The following KHDRBS2 variants were observed in gnomAD, a reference collection of about 807,000 sequenced individuals.
The protein encoded by KHDRBS2 is KH RNA binding domain containing, signal transduction associated 2.
Under a neutral mutation model 44.3 loss-of-function variants are expected in KHDRBS2, and 26 were observed. The ratio of observed to expected loss-of-function variants is 0.59; its 90% CI spans 0.43 to 0.81. The LOEUF (loss-of-function observed/expected upper bound fraction) is 0.81. KHDRBS2 is among the 40% of genes least tolerant of loss of function. The pLI is 0.00. For missense variants in KHDRBS2, 476 were observed against 433.1 expected, an observed-to-expected ratio of 1.10 and a Z score of -0.88; for synonymous variants, 194 against 151.1, an observed-to-expected ratio of 1.28 and a Z score of -2.08.
At chr6:61,919,081 G>A (rs1023035580) in intron 4 of KHDRBS2, among the ~76,000 whole-genome samples, 15 of 151,812 alleles carry the variant, frequency 9.9e-5, no homozygotes, top group Non-Finnish European at 1.8e-4. Context: ...GAGCTTCTAG[G>A]TAACCACATA....
chr6:62,197,120 A>T (rs1417295368), intron 1 of KHDRBS2, among the ~76,000 whole-genome samples: 1 of 152,142 alleles, frequency 6.6e-6, no homozygotes, highest in Non-Finnish European at 1.5e-5. Context: ...TCTTCTGGAA[A>T]AATTTCAGAA....
the KHDRBS2 span, among the ~76,000 whole-genome samples, chr6:61,616,602 C>T: frequency 6.6e-6 from 1 of 151,578 alleles, no homozygotes; most frequent in African/African-American, 2.4e-5. Flanking sequence ...AGGGTAGATT[C>T]TTGGCATCTG....
rs566963072 is a variant in KHDRBS2 at position 61,894,901 on chromosome 6, G to A, written c.612-68C>T. On this transcript the variant is annotated intron_variant, in intron 5 of 8. Transcript: ENST00000281156. ...GAGAAAAGGGCCTATCACAGAAAAAGTTTTCATCTCACAGCCTCCATACAA... is the reference window on the plus strand; with the variant it reads ...GAGAAAAGGGCCTATCACAGAAAAAATTTTCATCTCACAGCCTCCATACAA... 118 of 1,079,746 alleles carry A rather than the reference G, an allele frequency of 1.1e-4. No individual in the cohort carries two copies. The South Asian group carries it at 1.5e-3, about 14-fold the overall frequency. The allele number at this position is 1,079,746 out of a possible 1,614,324, so 66.9% of individuals were successfully genotyped here.
At chr6:61,937,050 C>G (rs1811156382) in intron 4 of KHDRBS2, among the ~76,000 whole-genome samples, 1 of 151,932 alleles carries the variant, frequency 6.6e-6, no homozygotes, top group South Asian at 2.1e-4. Context: ...CTCTCCCTGA[C>G]TTCCTATTGG....
chr6:61,991,605 G>T (rs1045524481), intron 3 of KHDRBS2, among the ~76,000 whole-genome samples: 40 of 152,196 alleles, frequency 2.6e-4, no homozygotes, highest in African/African-American at 9.4e-4. Flanking sequence ...GAAAGGGTGA[G>T]TCGTCACTGC....
chr6:62,286,072 G>T lies in KHDRBS2; in HGVS notation c.-124C>A, dbSNP rs1228945335. ...CCTCCGCGCGGCGAGGGATCTCTGT[G>T]CGTCCTCACTGGCCCATGCACCCAG... On this transcript the variant is annotated 5_prime_UTR_variant, in exon 1 of 9. Transcript: ENST00000281156. 4.4e-6 allele frequency: 3 copies of T among 689,334 alleles called. No homozygotes were observed. The highest frequency in any genetic ancestry group is 3.6e-5 in the African/African-American group (2 of 55,928). 42.7% of individuals were successfully genotyped at this position (689,334 alleles called of 1,614,324 possible).
intron 1 of KHDRBS2, among the ~76,000 whole-genome samples, chr6:62,194,480 C>CCTT (rs1825250238): frequency 1.4e-5 from 1 of 69,774 alleles, no homozygotes; most frequent in African/African-American, 6.5e-5. Flanking sequence ...TCTTTTCTTC[C>CCTT]TTTTTTTTTT....
At chr6:61,564,947 C>T in the KHDRBS2 span, among the ~76,000 whole-genome samples, 3 of 152,016 alleles carry the variant, frequency 2.0e-5, no homozygotes, top group Non-Finnish European at 4.4e-5. Context: ...AATAGACATA[C>T]AGACCAATGA....
the KHDRBS2 span, among the ~76,000 whole-genome samples, chr6:61,656,617 T>C: frequency 0.047 from 7,093 of 152,068 alleles, 241 homozygotes; most frequent in Non-Finnish European, 0.078. Context: ...AGTCCAGATT[T>C]GTAACATTCC....
chr6:62,175,101 G>C lies in KHDRBS2; in HGVS notation c.219+2084C>G, dbSNP rs185815992. Among the ~76,000 whole-genome samples the C allele has an allele frequency of 3.2e-4, 48 of 151,682 alleles. No individual in the cohort carries two copies. In the Middle Eastern group the frequency reaches 0.014, roughly 43 times the overall value. ...ACATAGTTTGTTTTCAAAATATTAT[G>C]ATTTATTGTTGTACTATAAAAACCA... On this transcript the variant is annotated intron_variant, in intron 2 of 8. Transcript: ENST00000281156.
intron 2 of KHDRBS2, among the ~76,000 whole-genome samples, chr6:62,120,973 G>A (rs1157416524): frequency 1.3e-5 from 2 of 152,148 alleles, no homozygotes; most frequent in African/African-American, 4.8e-5. Flanking sequence ...ATTGTACACT[G>A]GATCTGAGTT....
the KHDRBS2 span, among the ~76,000 whole-genome samples, chr6:61,642,314 A>G: frequency 3.9e-5 from 6 of 152,016 alleles, no homozygotes; most frequent in Non-Finnish European, 7.4e-5. Context: ...TATTTAAATC[A>G]TTTACTTGAA....
the KHDRBS2 span, among the ~76,000 whole-genome samples, chr6:61,619,505 AGT>A: frequency 6.6e-6 from 1 of 152,060 alleles, no homozygotes; most frequent in South Asian, 2.1e-4. Context: ...CCCAGGCTGG[AGT>A]GCAATGGTGC....
intron 2 of KHDRBS2, among the ~76,000 whole-genome samples, chr6:62,081,197 T>C (rs1044754381): frequency 2.0e-5 from 3 of 152,090 alleles, no homozygotes; most frequent in African/African-American, 7.2e-5. Flanking sequence ...ATGTAATAGA[T>C]GAAAATGTCA....
chr6:61,899,227 C>A (rs983639890), intron 5 of KHDRBS2, among the ~76,000 whole-genome samples: 1 of 151,822 alleles, frequency 6.6e-6, no homozygotes, highest in Admixed American at 6.6e-5. Context: ...ATATTCCATA[C>A]TTTATATTGT....
chr6:61,930,542 AAAAG>A lies in KHDRBS2; in HGVS notation c.484-29175_484-29172del, dbSNP rs1248093174. The stretch of plus-strand genomic sequence containing the variant: ...CGCCCCTAAAAAAAAAAAAAAAAAA[AAAAG>A]AAAAAAAAAAAAAAAAAAAAAGGCT... On this transcript the variant is annotated intron_variant, in intron 4 of 8. Coordinates refer to ENST00000281156, the MANE Select transcript of KHDRBS2 (RefSeq NM_152688.4). Among the ~76,000 whole-genome samples the A allele has an allele frequency of 6.7e-3, 204 of 30,474 alleles. 56 individuals are homozygous for A. The highest frequency in any genetic ancestry group is 8.9e-3 in the African/African-American group (116 of 13,008). The allele number at this position is 30,474 out of a possible 152,430, so 20.0% of individuals were successfully genotyped here. A position where few individuals can be genotyped will look rare whatever the true frequency, so the allele number is the denominator to read the frequency against.
chr6:61,840,330 C>G (rs1470012962), intron 6 of KHDRBS2, among the ~76,000 whole-genome samples: 1 of 152,090 alleles, frequency 6.6e-6, no homozygotes, highest in African/African-American at 2.4e-5. Flanking sequence ...TGCAACATCT[C>G]AGTTCATATA....
At chr6:62,201,206 CA>C (rs1276352983) in intron 1 of KHDRBS2, among the ~76,000 whole-genome samples, 1 of 151,850 alleles carries the variant, frequency 6.6e-6, no homozygotes, top group African/African-American at 2.4e-5. Context: ...GCATGTTGTG[CA>C]CATGTACCCT....
intron 4 of KHDRBS2, among the ~76,000 whole-genome samples, chr6:61,945,109 A>T (rs1195356747): frequency 0.05 from 1,825 of 36,454 alleles, 153 homozygotes; most frequent in African/African-American, 0.085. Flanking sequence ...AAAAAAAAAA[A>T]AAAGTATATA....
Sources: gnomAD v4.1 joint callset for allele counts (sites outside exome capture counted in the v4.1 genomes callset) on GRCh38, gnomAD v4.1.1 for gene constraint, MANE v1.5 for transcripts, NCBI Gene and HGNC (gene_info 2026-07-23, HGNC 2026-07-21) for gene names.